EFHC2: variants seen among roughly 807,000 people sequenced by gnomAD.
EFHC2 encodes the protein EF-hand domain containing 2, also known as EF-hand domain-containing family member C2.
In EFHC2, 18 loss-of-function variants were observed where a neutral mutation model predicts 52.7. The ratio of observed to expected loss-of-function variants is 0.34; its 90% CI spans 0.24 to 0.51. The LOEUF is 0.51. Ranked by LOEUF, EFHC2 falls within the 20% of genes least tolerant of loss-of-function variation. The probability of loss-of-function intolerance (pLI) is 0.97; values close to 1 mark genes in which losing one functional copy is unlikely to be tolerated. For missense variants in EFHC2, 513 were observed against 562.5 expected (o/e 0.91, Z 0.89); for synonymous variants, 203 against 204.1 (o/e 0.99, Z 0.04).
At chrX:44,150,922 C>T (rs184643280) in intron 14 of EFHC2, among the ~76,000 whole-genome samples, 6 of 110,850 alleles carry the variant, frequency 5.4e-5, no homozygotes, top group East Asian at 2.8e-4. Flanking sequence ...GAGATCATAC[C>T]GGAGTAGGGT....
chrX:44,261,988 T>C (rs1431945663), intron 3 of EFHC2, among the ~76,000 whole-genome samples: 2 of 110,902 alleles, frequency 1.8e-5, no homozygotes, highest in African/African-American at 6.6e-5. Flanking sequence ...GCCAGTGCTC[T>C]GGGCCAAAAG....
At chrX:44,321,669 CTG>C (rs1160263645) in intron 1 of EFHC2, among the ~76,000 whole-genome samples, 1 of 111,488 alleles carries the variant, frequency 9.0e-6, no homozygotes, top group Non-Finnish European at 1.9e-5. Context: ...ACGTGACTAA[CTG>C]TGTTAAATGC....
intron 8 of EFHC2, among the ~76,000 whole-genome samples, chrX:44,240,584 C>T (rs2037352541): frequency 8.9e-6 from 1 of 112,214 alleles, no homozygotes; most frequent in African/African-American, 3.2e-5. Flanking sequence ...TCCTTAAAAA[C>T]AGCAGTTAGC....
intron 2 of EFHC2, among the ~76,000 whole-genome samples, chrX:44,311,925 G>A (rs1294495714): frequency 8.9e-6 from 1 of 112,170 alleles, no homozygotes; most frequent in Non-Finnish European, 1.9e-5. Flanking sequence ...AATCTGACGA[G>A]ACTCTTAGTT....
At chrX:44,246,088 G>A (rs1406905985) in intron 7 of EFHC2, among the ~76,000 whole-genome samples, 1 of 111,996 alleles carries the variant, frequency 8.9e-6, no homozygotes, top group East Asian at 2.8e-4. Flanking sequence ...CCTGGTTTGG[G>A]TTTTAAGGAT....
intron 7 of EFHC2, among the ~76,000 whole-genome samples, chrX:44,244,601 G>A (rs2037385052): frequency 8.9e-6 from 1 of 111,755 alleles, no homozygotes; most frequent in Non-Finnish European, 1.9e-5. Context: ...ATCCATGGTT[G>A]ACTAGATTCC....
intron 8 of EFHC2, among the ~76,000 whole-genome samples, chrX:44,236,151 T>G (rs2037318812): frequency 9.0e-6 from 1 of 111,675 alleles, no homozygotes; most frequent in African/African-American, 3.3e-5. Context: ...TCAATAAATG[T>G]TTATGGAAAA....
intron 7 of EFHC2, among the ~76,000 whole-genome samples, chrX:44,242,873 C>T (rs1007386336): frequency 4.5e-5 from 5 of 111,473 alleles, no homozygotes; most frequent in Non-Finnish European, 9.4e-5. Context: ...CAGAACTTTC[C>T]TCTCACCAGC....
chrX:44,244,336 C>T (rs976268864), intron 7 of EFHC2, among the ~76,000 whole-genome samples: 3 of 112,007 alleles, frequency 2.7e-5, no homozygotes, highest in Non-Finnish European at 5.6e-5. Flanking sequence ...AATTTGCATA[C>T]GTTCACAAAG....
chrX:44,268,791 C>T (rs2037596221), intron 3 of EFHC2, among the ~76,000 whole-genome samples: 1 of 111,895 alleles, frequency 8.9e-6, no homozygotes, highest in African/African-American at 3.2e-5. Flanking sequence ...TAAAAACTGC[C>T]TTATATGTTT....
intron 11 of EFHC2, among the ~76,000 whole-genome samples, chrX:44,191,403 T>A (rs1157231505): frequency 9.0e-6 from 1 of 110,650 alleles, no homozygotes; most frequent in Non-Finnish European, 1.9e-5. Flanking sequence ...ACCCAGCTAA[T>A]TTTTTGTATT....
At chrX:44,183,456 T>C (rs184794762) in intron 11 of EFHC2, among the ~76,000 whole-genome samples, 42 of 112,037 alleles carry the variant, frequency 3.7e-4, no homozygotes, top group African/African-American at 1.1e-3. Context: ...GTTTTGTTCA[T>C]TGTTGAATCT....
At chrX:44,254,347 C>T (rs2037476219) in intron 4 of EFHC2, among the ~76,000 whole-genome samples, 1 of 111,522 alleles carries the variant, frequency 9.0e-6, no homozygotes, top group Non-Finnish European at 1.9e-5. Flanking sequence ...CATGTTTTAA[C>T]CCAATGCAAG....
chrX:44,318,625 G>C (rs1219003865), intron 1 of EFHC2, among the ~76,000 whole-genome samples: 1 of 112,080 alleles, frequency 8.9e-6, no homozygotes, highest in Non-Finnish European at 1.9e-5. Flanking sequence ...CCCAGGGATG[G>C]GCAGATTCAT....
intron 3 of EFHC2, among the ~76,000 whole-genome samples, chrX:44,267,022 G>A (rs986338349): frequency 3.6e-5 from 4 of 112,056 alleles, no homozygotes; most frequent in Admixed American, 9.5e-5. Context: ...GTCTACAGAA[G>A]AAAAAATTCT....
intron 5 of EFHC2, 104 bp from the exon 6 acceptor site, chrX:44,249,020 G>T: frequency 2.3e-6 from 1 of 427,713 alleles, no homozygotes. Context: ...AATATTTGTT[G>T]AATGAATGAA....
intron 3 of EFHC2, among the ~76,000 whole-genome samples, chrX:44,268,926 T>C (rs780740003): frequency 9.0e-6 from 1 of 111,502 alleles, no homozygotes; most frequent in Non-Finnish European, 1.9e-5. Context: ...TCCTGAAAGA[T>C]TTACCATTAG....
Position 44,242,154 on chromosome X carries a change from C to T in EFHC2, c.1247G>A (p.Arg416Gln), listed in dbSNP as rs202194295. The part of the protein sequence containing the change: ...NCIDLKPTPH[R>Q]RNFKKFMEKD... ...TTCCATAAACTTCTTGAAGTTCCTC[C>T]GATGAGGTGTGGGCTTGAGGTCTAT... The change falls in exon 8 of 15, where the codon CGG becomes CAG. Residue 416 changes from arginine to glutamine, a missense_variant. By Grantham distance (43) the Arg-to-Gln change is conservative (BLOSUM62 1). Coordinates refer to ENST00000420999, the MANE Select transcript of EFHC2 (RefSeq NM_025184.4). 3.3e-5 allele frequency: 39 copies of T among 1,197,222 alleles called. No homozygotes were observed. The highest frequency in any genetic ancestry group is 4.0e-5 in the Non-Finnish European group (36 of 890,061).
chrX:44,241,489 T>C (rs1049329863), intron 8 of EFHC2, among the ~76,000 whole-genome samples: 2 of 112,323 alleles, frequency 1.8e-5, no homozygotes, highest in African/African-American at 6.5e-5. Flanking sequence ...GAAATCTCTA[T>C]AGCAGGGGTT....
Sources: gnomAD v4.1 joint callset for allele counts (sites outside exome capture counted in the v4.1 genomes callset) on GRCh38, gnomAD v4.1.1 for gene constraint, MANE v1.5 for transcripts, NCBI Gene and HGNC (gene_info 2026-07-23, HGNC 2026-07-21) for gene names.